The following SAMD12 variants were observed in gnomAD, a reference collection of about 807,000 sequenced individuals.
SAMD12 encodes the protein sterile alpha motif domain containing 12.
Under a neutral mutation model 15.0 loss-of-function variants are expected in SAMD12, and 9 were observed. The ratio of observed to expected loss-of-function variants is 0.60; its 90% CI spans 0.36 to 1.05. The LOEUF (loss-of-function observed/expected upper bound fraction) is 1.05, where lower values mean the gene tolerates loss of function less well. SAMD12 is among the 50% of genes least tolerant of loss of function. SAMD12 has a pLI of 0.01. For synonymous variants in SAMD12, 86 were observed against 90.1 expected (o/e 0.96, Z 0.25); for missense variants, 230 against 234.2 (o/e 0.98, Z 0.12).
chr8:118,498,796 A>G (rs1043809733), intron 2 of SAMD12, among the ~76,000 whole-genome samples: 1 of 152,244 alleles, frequency 6.6e-6, no homozygotes, highest in Non-Finnish European at 1.5e-5. Context: ...AAATACCTAC[A>G]TGGCACCTAT....
At chr8:118,402,014 T>A in intron 3 of SAMD12, among the ~76,000 whole-genome samples, 1 of 152,184 alleles carries the variant, frequency 6.6e-6, no homozygotes, top group East Asian at 1.9e-4. Flanking sequence ...ATATTCTGAT[T>A]TACAGAGCTC....
At chr8:118,602,032 T>C (rs951890419) in intron 1 of SAMD12, among the ~76,000 whole-genome samples, 2 of 152,222 alleles carry the variant, frequency 1.3e-5, no homozygotes, top group African/African-American at 2.4e-5. Context: ...CCCAGACTTC[T>C]TAAGCAGAAT....
chr8:118,276,884 GCT>G (rs1563726663), intron 4 of SAMD12, among the ~76,000 whole-genome samples: 2,505 of 152,240 alleles, frequency 0.016, 81 homozygotes, highest in African/African-American at 0.056. Context: ...TGTTGACCAG[GCT>G]GGTCTCGAAC....
Position 118,564,292 on chromosome 8 carries a change from G to A in SAMD12, c.192+16423C>T, listed in dbSNP as rs530701591. Among the ~76,000 whole-genome samples the A allele has an allele frequency of 6.6e-5, 10 of 151,322 alleles. No individual in the cohort carries two copies. In the South Asian group the frequency reaches 1.7e-3, roughly 25 times the overall value. The stretch of plus-strand genomic sequence containing the variant: ...TCTAAGTCTCAAGCCCAGCAACTGA[G>A]ACCAGGTACAGCTGCTGAGTACCCA... On this transcript the variant is annotated intron_variant, in intron 2 of 3. Coordinates refer to ENST00000314727, the MANE Select transcript of SAMD12 (RefSeq NM_207506.3).
At chr8:118,265,016 A>G (rs1383391340) in intron 4 of SAMD12, among the ~76,000 whole-genome samples, 1 of 152,122 alleles carries the variant, frequency 6.6e-6, no homozygotes, top group African/African-American at 2.4e-5. Context: ...CACTGCAATG[A>G]GGCATTTTCA....
chr8:118,308,621 T>C (rs1815463811), intron 4 of SAMD12, among the ~76,000 whole-genome samples: 1 of 152,090 alleles, frequency 6.6e-6, no homozygotes, highest in African/African-American at 2.4e-5. Context: ...TTCTTGAAAA[T>C]AAAGATGTCG....
chr8:118,223,392 A>C (rs896438010), intron 4 of SAMD12, among the ~76,000 whole-genome samples: 1 of 152,208 alleles, frequency 6.6e-6, no homozygotes, highest in Non-Finnish European at 1.5e-5. Context: ...TTTCCCTAGA[A>C]GACACTGACT....
chr8:118,480,460 A>T (rs1824094281), intron 2 of SAMD12, among the ~76,000 whole-genome samples: 1 of 152,098 alleles, frequency 6.6e-6, no homozygotes. Flanking sequence ...AAGTTATAAA[A>T]CTCTTAACAG....
At chr8:118,555,772 T>C (rs1826512950) in intron 2 of SAMD12, among the ~76,000 whole-genome samples, 1 of 152,220 alleles carries the variant, frequency 6.6e-6, no homozygotes, top group Admixed American at 6.5e-5. Flanking sequence ...TTACACTTCC[T>C]GAATAGAGAA....
chr8:118,184,149 T>C, the SAMD12 span, among the ~76,000 whole-genome samples: 1 of 152,084 alleles, frequency 6.6e-6, no homozygotes, highest in African/African-American at 2.4e-5. Flanking sequence ...ATAGCAACCT[T>C]TGTTTTTCAA....
chr8:118,274,637 T>C (rs772697673), intron 4 of SAMD12, among the ~76,000 whole-genome samples: 52 of 152,198 alleles, frequency 3.4e-4, no homozygotes, highest in Non-Finnish European at 7.4e-4. Flanking sequence ...ACAATTTACA[T>C]ACATATATCT....
At chr8:118,310,888 T>C (rs1815594560) in intron 4 of SAMD12, among the ~76,000 whole-genome samples, 1 of 152,240 alleles carries the variant, frequency 6.6e-6, no homozygotes, top group East Asian at 1.9e-4. Context: ...GATAGTTTGT[T>C]GAGGGCAGGG....
chr8:118,151,838 A>AT, the SAMD12 span, among the ~76,000 whole-genome samples: 1 of 73,768 alleles, frequency 1.4e-5, no homozygotes, highest in Non-Finnish European at 3.9e-5. Context: ...TCAAAAAAAA[A>AT]GAAAAAAAAA....
chr8:118,547,148 C>G (rs977931846), intron 2 of SAMD12, among the ~76,000 whole-genome samples: 1 of 152,090 alleles, frequency 6.6e-6, no homozygotes, highest in Non-Finnish European at 1.5e-5. Flanking sequence ...AAGATTAGTG[C>G]GAGCTTGCCA....
At chr8:118,237,472 T>A (rs1812461740) in intron 4 of SAMD12, among the ~76,000 whole-genome samples, 2 of 152,182 alleles carry the variant, frequency 1.3e-5, no homozygotes, top group Admixed American at 6.5e-5. Context: ...TAGCTATGTG[T>A]TGTCAAACCA....
intron 2 of SAMD12, among the ~76,000 whole-genome samples, chr8:118,445,430 G>C (rs574775427): frequency 6.6e-6 from 1 of 152,036 alleles, no homozygotes. Flanking sequence ...TACATATTAG[G>C]GATTATTCAT....
At chr8:118,432,926 A>G (rs1440502576) in intron 3 of SAMD12, among the ~76,000 whole-genome samples, 1 of 152,202 alleles carries the variant, frequency 6.6e-6, no homozygotes, top group African/African-American at 2.4e-5. Context: ...CAATAATCCA[A>G]CATCTTGAAC....
intron 4 of SAMD12, among the ~76,000 whole-genome samples, chr8:118,332,723 T>C (rs1393482017): frequency 6.6e-6 from 1 of 152,216 alleles, no homozygotes; most frequent in African/African-American, 2.4e-5. Context: ...TGGAGTAACA[T>C]ATGCTTTTCT....
chr8:118,614,886 G>T lies in SAMD12; in HGVS notation c.13+6918C>A, dbSNP rs114610937. The stretch of plus-strand genomic sequence containing the variant: ...TTGCTCTCATGAGCCAGCTCAGAGC[G>T]GGTGGTGCTGCTACATTCCACTTCA... On this transcript the variant is annotated intron_variant, in intron 1 of 3. Coordinates refer to ENST00000314727, the MANE Select transcript of SAMD12 (RefSeq NM_207506.3). 3.8e-3 allele frequency among the ~76,000 whole-genome samples: 582 copies of T among 152,296 alleles called. 3 individuals carry two copies. Among genetic ancestry groups the T allele is most frequent in the African/African-American group, 0.01 (431 of 41,564 alleles).
Sources: allele counts gnomAD v4.1 joint callset (sites outside exome capture counted in the v4.1 genomes callset), GRCh38; gene constraint gnomAD v4.1.1; transcripts MANE v1.5; gene names NCBI Gene and HGNC (gene_info 2026-07-23, HGNC 2026-07-21).